Variants in C16orf74 observed in about 807,000 individuals in gnomAD.
C16orf74 encodes the protein calcimembrin, also known as uncharacterized protein C16orf74.
Under a neutral mutation model 6.5 loss-of-function variants are expected in C16orf74, and 10 were observed. The ratio of observed to expected loss-of-function variants is 1.54; its 90% CI spans 0.95 to 2.61. The LOEUF is 2.61. Among genes scored for constraint, C16orf74 ranks in the 30% most tolerant of loss-of-function variants. C16orf74 has a pLI of 0.00. For missense variants in C16orf74, 141 were observed against 105.9 expected, an observed-to-expected ratio of 1.33 and a Z score of -1.45; for synonymous variants, 60 against 42.5, an observed-to-expected ratio of 1.41 and a Z score of -1.60.
intron 1 of C16orf74, among the ~76,000 whole-genome samples, chr16:85,735,597 G>A (rs1051825549): frequency 1.3e-5 from 2 of 152,278 alleles, no homozygotes; most frequent in African/African-American, 2.4e-5. Flanking sequence ...CCACAGGACG[G>A]CCGCAGCTGC....
At chr16:85,734,985 C>T (rs964998062) in intron 2 of C16orf74, among the ~76,000 whole-genome samples, 2 of 152,232 alleles carry the variant, frequency 1.3e-5, no homozygotes, top group African/African-American at 4.8e-5. Context: ...CCCAGTCACC[C>T]ACTGCTAGTG....
At chr16:85,741,359 A>G (rs1489378449) in intron 1 of C16orf74, among the ~76,000 whole-genome samples, 6 of 152,158 alleles carry the variant, frequency 3.9e-5, no homozygotes, top group African/African-American at 1.4e-4. Flanking sequence ...GCAATTTGAA[A>G]GACCCCTACC....
chr16:85,736,473 C>A (rs1257662789), intron 1 of C16orf74, among the ~76,000 whole-genome samples: 1 of 152,022 alleles, frequency 6.6e-6, no homozygotes, highest in African/African-American at 2.4e-5. Flanking sequence ...GATGGCAGGC[C>A]AGGAAGGGTT....
intron 2 of C16orf74, among the ~76,000 whole-genome samples, chr16:85,725,605 C>G (rs2054125009): frequency 1.3e-5 from 2 of 152,156 alleles, no homozygotes; most frequent in Non-Finnish European, 1.5e-5. Context: ...TTTTTTGAGA[C>G]AGGGTCTTGC....
intron 1 of C16orf74, among the ~76,000 whole-genome samples, chr16:85,738,231 A>C (rs548073679): frequency 6.6e-6 from 1 of 152,104 alleles, no homozygotes; most frequent in South Asian, 2.1e-4. Flanking sequence ...GGTGACAGCA[A>C]GAGCCTGTCT....
intron 2 of C16orf74, among the ~76,000 whole-genome samples, chr16:85,717,005 C>G (rs1016728309): frequency 2.0e-5 from 3 of 152,192 alleles, no homozygotes; most frequent in Admixed American, 6.5e-5. Flanking sequence ...CCAGGCCCGT[C>G]CCAAGGCTTC....
At chr16:85,717,179 C>A (rs1325080263) in intron 2 of C16orf74, among the ~76,000 whole-genome samples, 1 of 152,216 alleles carries the variant, frequency 6.6e-6, no homozygotes, top group Admixed American at 6.5e-5. Flanking sequence ...AGCTGGATTT[C>A]CACATGGGTT....
At chr16:85,748,892 G>A (rs1012106042) in intron 1 of C16orf74, among the ~76,000 whole-genome samples, 1 of 151,754 alleles carries the variant, frequency 6.6e-6, no homozygotes. Context: ...TTAGCCAAGG[G>A]GAGTGGTCCA....
intron 2 of C16orf74, among the ~76,000 whole-genome samples, chr16:85,728,567 G>T (rs1160898550): frequency 6.6e-6 from 1 of 152,108 alleles, no homozygotes; most frequent in African/African-American, 2.4e-5. Context: ...GTCCTCCCAG[G>T]TAGCCCTAAC....
intron 2 of C16orf74, among the ~76,000 whole-genome samples, chr16:85,713,291 G>T (rs2053988058): frequency 1.3e-5 from 2 of 150,384 alleles, no homozygotes; most frequent in African/African-American, 2.4e-5. Context: ...CTTTTTTTTT[G>T]AGACGGATCT....
chr16:85,716,365 G>A (rs2054023603), intron 2 of C16orf74, among the ~76,000 whole-genome samples: 1 of 144,044 alleles, frequency 6.9e-6, no homozygotes, highest in African/African-American at 2.6e-5. Context: ...GAGGAGGAAG[G>A]GAGGGAAGGA....
At chr16:85,713,920 G>C (rs184813291) in intron 2 of C16orf74, among the ~76,000 whole-genome samples, 72 of 152,228 alleles carry the variant, frequency 4.7e-4, no homozygotes, top group African/African-American at 1.7e-3. Context: ...TCTTCCCTTT[G>C]GTCTTAACCT....
At chr16:85,727,673 G>A (rs539127169) in intron 2 of C16orf74, among the ~76,000 whole-genome samples, 1 of 151,950 alleles carries the variant, frequency 6.6e-6, no homozygotes, top group Non-Finnish European at 1.5e-5. Flanking sequence ...AATAAGCCGG[G>A]TGTGGTGCCT....
At chr16:85,747,653 T>C (rs2152067446) in intron 1 of C16orf74, among the ~76,000 whole-genome samples, 1 of 152,248 alleles carries the variant, frequency 6.6e-6, no homozygotes, top group South Asian at 2.1e-4. Flanking sequence ...CTGTAAAATA[T>C]TTGAAGAGAT....
chr16:85,738,226 C>T (rs1170395468), intron 1 of C16orf74, among the ~76,000 whole-genome samples: 1 of 151,882 alleles, frequency 6.6e-6, no homozygotes, highest in African/African-American at 2.4e-5. Context: ...GCCTGGGTGA[C>T]AGCAAGAGCC....
At chr16:85,736,980 T>G (rs1232523243) in intron 1 of C16orf74, among the ~76,000 whole-genome samples, 1 of 151,440 alleles carries the variant, frequency 6.6e-6, no homozygotes, top group African/African-American at 2.4e-5. Context: ...TAGGTGGAGG[T>G]TGCAGTGAGC....
Position 85,707,945 on chromosome 16 carries a change from C to T in C16orf74, c.*63G>A. 7.0e-7 allele frequency: 1 copy of T among 1,432,982 alleles called. No homozygotes were observed. The highest frequency in any genetic ancestry group is 9.6e-7 in the Non-Finnish European group (1 of 1,043,174). The allele number at this position is 1,432,982 out of a possible 1,614,324, so 88.8% of individuals were successfully genotyped here. ...GCACACCTGCTCCAGGCAGCCACGCCCCCGGACACCTGAAGCCGGGCCGCT... is the reference window on the plus strand; with the variant it reads ...GCACACCTGCTCCAGGCAGCCACGCTCCCGGACACCTGAAGCCGGGCCGCT... On this transcript the variant is annotated 3_prime_UTR_variant, in exon 4 of 4. Coordinates refer to ENST00000284245, the MANE Select transcript of C16orf74 (RefSeq NM_206967.3).
intron 2 of C16orf74, among the ~76,000 whole-genome samples, chr16:85,719,659 A>G (rs373835): frequency 0.38 from 57,219 of 151,922 alleles, 11,378 homozygotes; most frequent in African/African-American, 0.49. Context: ...CACTCACAGT[A>G]CCAAGAAGCA....
chr16:85,739,420 A>T (rs2054279140), intron 1 of C16orf74, among the ~76,000 whole-genome samples: 1 of 152,202 alleles, frequency 6.6e-6, no homozygotes, highest in East Asian at 1.9e-4. Context: ...ATCTGTACAG[A>T]AGTTCTCACA....
Sources: gnomAD v4.1 joint callset for allele counts (sites outside exome capture counted in the v4.1 genomes callset) on GRCh38, gnomAD v4.1.1 for gene constraint, MANE v1.5 for transcripts, NCBI Gene and HGNC (gene_info 2026-07-23, HGNC 2026-07-21) for gene names.